CHST9: variants seen among roughly 807,000 people sequenced by gnomAD.
CHST9 encodes carbohydrate sulfotransferase 9.
In CHST9, 41 loss-of-function variants were observed where a neutral mutation model predicts 44.4. The ratio of observed to expected loss-of-function variants is 0.92; its 90% CI spans 0.72 to 1.20. The LOEUF (loss-of-function observed/expected upper bound fraction) is 1.20. CHST9 is among the 50% of genes most tolerant of loss of function. The pLI, the probability that CHST9 is intolerant of heterozygous loss-of-function variation, is 0.00. For missense variants in CHST9, 504 were observed against 516.5 expected (o/e 0.98, Z 0.23); for synonymous variants, 171 against 178.4 (o/e 0.96, Z 0.33).
chr18:26,939,091 G>A (rs779783338), intron 5 of CHST9, among the ~76,000 whole-genome samples: 23 of 152,028 alleles, frequency 1.5e-4, no homozygotes, highest in Non-Finnish European at 2.5e-4. Flanking sequence ...TTCCCTTTAG[G>A]GCAATACTAG....
chr18:27,089,136 TTTCC>T (rs202018380), intron 2 of CHST9, among the ~76,000 whole-genome samples: 1,582 of 152,268 alleles, frequency 0.01, 21 homozygotes, highest in African/African-American at 0.033. Flanking sequence ...TTTCTCTTTC[TTTCC>T]TTCATTTTTT....
intron 1 of CHST9, among the ~76,000 whole-genome samples, chr18:27,162,408 C>T (rs1373826660): frequency 6.6e-6 from 1 of 152,014 alleles, no homozygotes; most frequent in Non-Finnish European, 1.5e-5. Flanking sequence ...GTTGAAAATT[C>T]TTTTCTTTAA....
At position 26,962,747 on chromosome 18, in the gene CHST9, G is replaced by A. The variant is rs61109252; in HGVS notation, c.203-18381C>T. Among the ~76,000 whole-genome samples the A allele has an allele frequency of 2.9e-4, 44 of 152,238 alleles. No homozygotes were observed. In the East Asian group the frequency reaches 6.0e-3, roughly 21 times the overall value. On this transcript the variant is annotated intron_variant, in intron 4 of 5. Coordinates refer to ENST00000618847, the MANE Select transcript of CHST9 (RefSeq NM_031422.6). ...AGTAAAGGCTGGTGGCATCACCATC[G>A]CCTGGGGTAGTTTGCTTATCACCTG...
At chr18:27,085,126 G>T (rs2057999604) in intron 2 of CHST9, among the ~76,000 whole-genome samples, 1 of 151,968 alleles carries the variant, frequency 6.6e-6, no homozygotes, top group Non-Finnish European at 1.5e-5. Flanking sequence ...TGTTATTGTT[G>T]GGTGGAGTGT....
chr18:27,037,283 T>C (rs2057399530), intron 3 of CHST9, among the ~76,000 whole-genome samples: 1 of 152,178 alleles, frequency 6.6e-6, no homozygotes, highest in Non-Finnish European at 1.5e-5. Context: ...CATTTTCTCA[T>C]GAGTAACGAT....
chr18:27,059,851 A>G (rs2057700606), intron 2 of CHST9, among the ~76,000 whole-genome samples: 2 of 152,234 alleles, frequency 1.3e-5, no homozygotes, highest in Non-Finnish European at 2.9e-5. Context: ...ACCCACGTCA[A>G]AGGTTTGGGC....
chr18:26,957,536 A>G lies in CHST9; in HGVS notation c.203-13170T>C, dbSNP rs72878959. On this transcript the variant is annotated intron_variant, in intron 4 of 5. Coordinates refer to ENST00000618847, the MANE Select transcript of CHST9 (RefSeq NM_031422.6). ...TACTACCTTGATCCTTTGTTTTAAA[A>G]CCCTGTATTCATTGTTTATAACTAC... 3.0e-3 allele frequency among the ~76,000 whole-genome samples: 455 copies of G among 149,282 alleles called. 1 individual carries two copies. The highest frequency in any genetic ancestry group is 4.9e-3 in the Non-Finnish European group (330 of 67,588).
rs553820931 is a variant in CHST9, at chr18:26,944,517, A to G, written c.203-151T>C. Reference sequence around the variant, plus strand: ...TATCACAATGTGGATGTTTACAACCACTTCAATAACTGGGGAAAAAAAGCC... The same window carrying G: ...TATCACAATGTGGATGTTTACAACCGCTTCAATAACTGGGGAAAAAAAGCC... On this transcript the variant is annotated intron_variant, in intron 4 of 5. Transcript: ENST00000618847. The G allele has an allele frequency of 2.1e-5, 13 of 609,560 alleles. No homozygotes were observed. In the East Asian group the frequency reaches 3.3e-4, roughly 15 times the overall value. The allele number at this position is 609,560 out of a possible 1,614,324, so 37.8% of individuals were successfully genotyped here.
intron 4 of CHST9, among the ~76,000 whole-genome samples, chr18:26,946,857 G>A (rs142051417): frequency 0.015 from 2,243 of 152,136 alleles, 61 homozygotes; most frequent in African/African-American, 0.051. Flanking sequence ...TGAGGCCTCT[G>A]TTCTGTTCTG....
At chr18:27,053,148 A>AGAAGAAGAAGAG (rs1251965157) in intron 2 of CHST9, among the ~76,000 whole-genome samples, 141 of 138,678 alleles carry the variant, frequency 1.0e-3, no homozygotes, top group Non-Finnish European at 1.7e-3. Context: ...AAGAAGAAGA[A>AGAAGAAGAAGAG]GAAGAAGAAG....
At position 26,975,889 on chromosome 18, in the gene CHST9, C is replaced by T. The variant is rs527993273; in HGVS notation, c.203-31523G>A. 2.6e-5 allele frequency among the ~76,000 whole-genome samples: 4 copies of T among 151,276 alleles called. 1 individual carries two copies. The highest frequency in any genetic ancestry group is 6.7e-5 in the Admixed American group (1 of 14,986). ...AAATTACATCTCAGAATTTATTCAC[C>T]TTGGGGCAAAGGAGTTGGCCTTTTG... On this transcript the variant is annotated intron_variant, in intron 4 of 5. Transcript: ENST00000618847.
chr18:27,010,011 A>C (rs1178520519), intron 4 of CHST9, among the ~76,000 whole-genome samples: 1 of 152,198 alleles, frequency 6.6e-6, no homozygotes, highest in African/African-American at 2.4e-5. Context: ...ACTTATATCT[A>C]ACCCTCTAAC....
At chr18:26,922,469 T>C (rs58556850) in intron 5 of CHST9, among the ~76,000 whole-genome samples, 1 of 152,112 alleles carries the variant, frequency 6.6e-6, no homozygotes, top group African/African-American at 2.4e-5. Flanking sequence ...GGAGGAAAGC[T>C]ATAGTTTTCC....
chr18:27,085,634 G>A (rs935189290), intron 2 of CHST9, among the ~76,000 whole-genome samples: 1 of 152,084 alleles, frequency 6.6e-6, no homozygotes, highest in African/African-American at 2.4e-5. Context: ...TGTTGGCAAG[G>A]TTGTGGAGAA....
intron 3 of CHST9, among the ~76,000 whole-genome samples, chr18:27,029,795 A>T (rs995672043): frequency 1.3e-5 from 2 of 152,192 alleles, no homozygotes; most frequent in African/African-American, 4.8e-5. Flanking sequence ...AAATATTTTA[A>T]ATCCACGTAT....
chr18:27,095,556 T>C (rs2058108569), intron 2 of CHST9, among the ~76,000 whole-genome samples: 1 of 152,056 alleles, frequency 6.6e-6, no homozygotes, highest in Non-Finnish European at 1.5e-5. Context: ...ATCTCAAACA[T>C]AATGACGCCA....
At chr18:27,099,228 A>AAGAATCCT (rs1160851073) in intron 2 of CHST9, among the ~76,000 whole-genome samples, 1 of 152,170 alleles carries the variant, frequency 6.6e-6, no homozygotes, top group East Asian at 1.9e-4. Context: ...CTCGAACTAC[A>AAGAATCCT]AGAATCCTAG....
chr18:26,944,505 A>C lies in CHST9; in HGVS notation c.203-139T>G, dbSNP rs535587750. 4.7e-6 allele frequency: 3 copies of C among 643,254 alleles called. No homozygotes were observed. In the Admixed American group the frequency reaches 8.1e-5, roughly 17 times the overall value. 39.8% of individuals were successfully genotyped at this position (643,254 alleles called of 1,614,324 possible). ...AGCAAGGATTTCTATCACAATGTGG[A>C]TGTTTACAACCACTTCAATAACTGG... On this transcript the variant is annotated intron_variant, in intron 4 of 5. Transcript: ENST00000618847.
At chr18:27,167,455 T>A (rs967329171) in intron 1 of CHST9, among the ~76,000 whole-genome samples, 1 of 152,202 alleles carries the variant, frequency 6.6e-6, no homozygotes, top group African/African-American at 2.4e-5. Flanking sequence ...CTTTTCTGAT[T>A]CTCAGTCCTA....
Sources: allele counts gnomAD v4.1 joint callset (sites outside exome capture counted in the v4.1 genomes callset), GRCh38; gene constraint gnomAD v4.1.1; transcripts MANE v1.5; gene names NCBI Gene and HGNC (gene_info 2026-07-23, HGNC 2026-07-21).